CAPZB: variants seen among roughly 807,000 people sequenced by gnomAD.
CAPZB encodes the protein F-actin-capping protein subunit beta.
Under a neutral mutation model 38.1 loss-of-function variants are expected in CAPZB, and 2 were observed. The observed-to-expected ratio is 0.05, with a 90% CI of 0.02 to 0.17. CAPZB has a LOEUF of 0.17. CAPZB is among the 10% of genes least tolerant of loss of function. The pLI is 1.00. For synonymous variants in CAPZB, 107 were observed against 127.4 expected, an observed-to-expected ratio of 0.84 and a Z score of 1.08; for missense variants, 161 against 334.2, an observed-to-expected ratio of 0.48 and a Z score of 4.04.
At chr1:19,383,689 C>T (rs1477017449) in intron 3 of CAPZB, among the ~76,000 whole-genome samples, 1 of 152,112 alleles carries the variant, frequency 6.6e-6, no homozygotes, top group Non-Finnish European at 1.5e-5. Context: ...CAGCCACATC[C>T]CCAGCCTAAA....
At chr1:19,455,827 G>A (rs1446048792) in intron 1 of CAPZB, among the ~76,000 whole-genome samples, 1 of 152,186 alleles carries the variant, frequency 6.6e-6, no homozygotes, top group Non-Finnish European at 1.5e-5. Flanking sequence ...TCTAAGCCAT[G>A]AATAGGTCAC....
chr1:19,438,448 T>A (rs1488290325), intron 1 of CAPZB, among the ~76,000 whole-genome samples: 2 of 152,142 alleles, frequency 1.3e-5, no homozygotes, highest in Non-Finnish European at 2.9e-5. Flanking sequence ...GAAAGCAGGT[T>A]TTAATGAGAA....
intron 6 of CAPZB, among the ~76,000 whole-genome samples, chr1:19,352,504 C>T (rs1224009713): frequency 3.9e-5 from 6 of 152,260 alleles, no homozygotes; most frequent in Non-Finnish European, 8.8e-5. Flanking sequence ...GGAGAAGTGA[C>T]CTCTCAGTAC....
At chr1:19,342,603 G>A (rs774641370) in intron 8 of CAPZB, 29 of 640,812 alleles carry the variant, frequency 4.5e-5, no homozygotes, top group East Asian at 5.5e-5. Context: ...GAGGCTACAC[G>A]GGAATGTGGC....
chr1:19,462,971 G>A (rs1431118380), intron 1 of CAPZB, among the ~76,000 whole-genome samples: 1 of 152,198 alleles, frequency 6.6e-6, no homozygotes, highest in Non-Finnish European at 1.5e-5. Flanking sequence ...CCCAGATATA[G>A]AACATTTCCA....
chr1:19,352,142 G>C (rs907602093), intron 6 of CAPZB, among the ~76,000 whole-genome samples: 1 of 152,240 alleles, frequency 6.6e-6, no homozygotes, highest in African/African-American at 2.4e-5. Flanking sequence ...CCTGCATCTG[G>C]AAGGGCAATG....
chr1:19,423,516 CT>C (rs11340496), intron 1 of CAPZB, among the ~76,000 whole-genome samples: 24,559 of 112,200 alleles, frequency 0.22, 2,660 homozygotes, highest in Non-Finnish European at 0.27. Flanking sequence ...AGTGAACATT[CT>C]TTTTTTTTTT....
chr1:19,460,307 C>T (rs1430539517), intron 1 of CAPZB, among the ~76,000 whole-genome samples: 3 of 152,188 alleles, frequency 2.0e-5, no homozygotes, highest in Non-Finnish European at 4.4e-5. Flanking sequence ...GACGGAGTCT[C>T]GCTCTGTCGC....
Position 19,356,597 on chromosome 1 carries a change from G to T in CAPZB, c.588+38C>A. The T allele has an allele frequency of 2.2e-6, 3 of 1,362,300 alleles. No individual in the cohort carries two copies. Among genetic ancestry groups the T allele is most frequent in the Non-Finnish European group, 3.2e-6 (3 of 950,018 alleles). The allele number at this position is 1,362,300 out of a possible 1,614,324, so 84.4% of individuals were successfully genotyped here. On this transcript the variant is annotated intron_variant, in intron 6 of 8. Transcript: ENST00000264202. The surrounding 1 kb of genome is among the most constrained non-coding windows in gnomAD (Gnocchi z 4.3). ...CAGGTCAGCACTGAGGCCAGCACCTGTGGGCACTGGCAAGTGGCTATGAGC... is the reference window on the plus strand; with the variant it reads ...CAGGTCAGCACTGAGGCCAGCACCTTTGGGCACTGGCAAGTGGCTATGAGC...
rs33961282 is a variant in CAPZB, at chr1:19,368,495, GAAAAAAAAA to G, written c.329+10036_329+10044del. On this transcript the variant is annotated intron_variant, in intron 4 of 8. Transcript: ENST00000264202. ...GCCCCCGTCTCCATTTTTTTTCTTG[GAAAAAAAAA>G]AAAAAAAAAACGGTGGAGAGAGTCC... Among the ~76,000 whole-genome samples the G allele has an allele frequency of 7.9e-4, 89 of 112,726 alleles. 1 individual carries two copies. In the South Asian group the frequency reaches 0.026, roughly 33 times the overall value. The allele number at this position is 112,726 out of a possible 152,430, so 74.0% of individuals were successfully genotyped here. A position where few individuals can be genotyped will look rare whatever the true frequency, so the allele number is the denominator to read the frequency against.
At chr1:19,422,022 C>T (rs2094403173) in intron 1 of CAPZB, among the ~76,000 whole-genome samples, 1 of 152,026 alleles carries the variant, frequency 6.6e-6, no homozygotes, top group African/African-American at 2.4e-5. Flanking sequence ...AGCTAATGTT[C>T]AAACTCAATA....
intron 2 of CAPZB, among the ~76,000 whole-genome samples, chr1:19,389,831 A>G (rs1222625618): frequency 6.6e-6 from 1 of 152,210 alleles, no homozygotes; most frequent in Non-Finnish European, 1.5e-5. Context: ...CTTTATCAAG[A>G]TGTCAAATTC....
intron 1 of CAPZB, among the ~76,000 whole-genome samples, chr1:19,442,781 A>G (rs1402967588): frequency 6.6e-6 from 1 of 152,130 alleles, no homozygotes; most frequent in African/African-American, 2.4e-5. Flanking sequence ...GGCTTCCTGT[A>G]AAGATGCCGC....
intron 1 of CAPZB, among the ~76,000 whole-genome samples, chr1:19,453,440 T>G (rs1229239995): frequency 2.0e-5 from 3 of 151,734 alleles, no homozygotes; most frequent in African/African-American, 7.3e-5. Context: ...TTTGTATTTT[T>G]AGTAGAGACG....
At chr1:19,438,435 T>C (rs938854896) in intron 1 of CAPZB, among the ~76,000 whole-genome samples, 5 of 152,160 alleles carry the variant, frequency 3.3e-5, no homozygotes, top group African/African-American at 1.2e-4. Flanking sequence ...CAAACAGATC[T>C]GGGAAAGCAG....
chr1:19,459,523 C>T (rs181876244), intron 1 of CAPZB, among the ~76,000 whole-genome samples: 91 of 152,248 alleles, frequency 6.0e-4, no homozygotes, highest in Non-Finnish European at 1.1e-3. Flanking sequence ...TCAGCCCCCA[C>T]ACCTGGGGTA....
At chr1:19,371,139 G>A (rs1426660088) in intron 4 of CAPZB, among the ~76,000 whole-genome samples, 1 of 152,198 alleles carries the variant, frequency 6.6e-6, no homozygotes, top group Non-Finnish European at 1.5e-5. Flanking sequence ...GATGTGGATT[G>A]AGCAGGAATC....
At chr1:19,484,797 G>A (rs1570395577) in intron 1 of CAPZB, 4 of 720,312 alleles carry the variant, frequency 5.6e-6, no homozygotes, top group South Asian at 4.8e-5. Context: ...TGGTGGGGAG[G>A]GGGCAGTGAG....
chr1:19,414,512 G>C (rs1009460167), intron 2 of CAPZB, among the ~76,000 whole-genome samples: 3 of 152,178 alleles, frequency 2.0e-5, no homozygotes, highest in Admixed American at 2.0e-4. Flanking sequence ...TAGGACAACT[G>C]TAAGAAAGAA....
Sources: gnomAD v4.1 joint callset for allele counts (sites outside exome capture counted in the v4.1 genomes callset) on GRCh38, gnomAD v4.1.1 for gene constraint, Gnocchi (gnomAD v3.1) non-coding constraint, MANE v1.5 for transcripts, NCBI Gene and HGNC (gene_info 2026-07-23, HGNC 2026-07-21) for gene names.